Variants in TNPO3 observed in about 807,000 individuals in gnomAD.
TNPO3 encodes transportin 3.
A neutral mutation model predicts 122.8 loss-of-function variants in TNPO3; 65 were observed. That is an observed-to-expected ratio of 0.53 (90% CI 0.43 to 0.65). TNPO3 has a LOEUF of 0.65. TNPO3 is among the 30% of genes least tolerant of loss of function. The pLI is 0.00. For synonymous variants in TNPO3, 372 were observed against 411.2 expected (o/e 0.90, Z 1.15); for missense variants, 850 against 1,136.7 (o/e 0.75, Z 3.63).
At chr7:128,990,132 TG>T (rs747447666) in intron 10 of TNPO3, 32 bp from the exon 11 acceptor site, 1 of 1,614,014 alleles carries the variant, frequency 6.2e-7, no homozygotes. Flanking sequence ...TCACAGTTAC[TG>T]ATTTCAGAGG....
intron 10 of TNPO3, 22 bp from the exon 11 acceptor site, chr7:128,990,122 TCA>T (rs772816946): frequency 6.2e-7 from 1 of 1,614,136 alleles, no homozygotes; most frequent in South Asian, 1.1e-5. Flanking sequence ...CGGTAAGTAC[TCA>T]CAGTTACTGA....
At chr7:129,004,491 T>C (rs991265292) in intron 5 of TNPO3, among the ~76,000 whole-genome samples, 1 of 152,220 alleles carries the variant, frequency 6.6e-6, no homozygotes, top group Admixed American at 6.5e-5. Flanking sequence ...CACAAGTATA[T>C]AAAAAGACAT....
Position 128,962,147 on chromosome 7 carries a change from T to A in TNPO3, c.2712-4832A>T, listed in dbSNP as rs188462529. Among the ~76,000 whole-genome samples the A allele has an allele frequency of 5.5e-3, 832 of 151,714 alleles. 13 individuals carry two copies. The highest frequency in any genetic ancestry group is 0.019 in the African/African-American group (797 of 41,326). ...TTGGGAGGCCGAGGCGGATGGATCATGAGGTCAGGAGATCGAGACCATCCT... is the reference window on the plus strand; with the variant it reads ...TTGGGAGGCCGAGGCGGATGGATCAAGAGGTCAGGAGATCGAGACCATCCT... On this transcript the variant is annotated intron_variant, in intron 21 of 22. Coordinates refer to ENST00000265388, the MANE Select transcript of TNPO3 (RefSeq NM_012470.4).
chr7:129,015,893 C>T (rs900870833), intron 3 of TNPO3, among the ~76,000 whole-genome samples: 5 of 151,736 alleles, frequency 3.3e-5, no homozygotes, highest in African/African-American at 1.2e-4. Flanking sequence ...TGAAGGTTTC[C>T]ATACTGTTAG....
At chr7:129,011,623 T>C (rs1297873188) in intron 4 of TNPO3, among the ~76,000 whole-genome samples, 1 of 152,062 alleles carries the variant, frequency 6.6e-6, no homozygotes, top group Admixed American at 6.5e-5. Flanking sequence ...ATTACAGGCA[T>C]GAGCCACCAC....
At chr7:128,955,898 G>A (rs1054054145) in intron 22 of TNPO3, among the ~76,000 whole-genome samples, 2 of 152,174 alleles carry the variant, frequency 1.3e-5, no homozygotes, top group South Asian at 2.1e-4. Context: ...CTGGCTCCAC[G>A]AATAACTGTC....
intron 1 of TNPO3, chr7:129,028,970 C>CA (rs1805587366): frequency 4.5e-6 from 2 of 444,026 alleles, no homozygotes; most frequent in Non-Finnish European, 8.9e-6. Context: ...CATTCTGGAC[C>CA]AAAAAATTAA....
intron 4 of TNPO3, among the ~76,000 whole-genome samples, chr7:129,006,947 G>A (rs1161520888): frequency 6.6e-6 from 1 of 152,070 alleles, no homozygotes; most frequent in African/African-American, 2.4e-5. Flanking sequence ...TTCCTTCTCA[G>A]AAGACAGAAG....
At chr7:129,031,188 A>C (rs953855663) in intron 1 of TNPO3, among the ~76,000 whole-genome samples, 2 of 152,150 alleles carry the variant, frequency 1.3e-5, no homozygotes, top group African/African-American at 4.8e-5. Flanking sequence ...AGTCCCAGCT[A>C]CTTGGGAGGC....
In TNPO3 at chr7:129,017,868, C is replaced by A; in HGVS notation, c.321+89G>T. The stretch of plus-strand genomic sequence containing the variant: ...TACATCTGTAATGAAGTTAACATTA[C>A]CTCACATGGCCTAGCAATACGAATT... On this transcript the variant is annotated intron_variant, in intron 2 of 22. Coordinates refer to ENST00000265388, the MANE Select transcript of TNPO3 (RefSeq NM_012470.4). 4 of 1,320,864 alleles carry A rather than the reference C, an allele frequency of 3.0e-6. No individual in the cohort carries two copies. In the African/African-American group the frequency reaches 5.9e-5, roughly 19 times the overall value. 81.8% of individuals were successfully genotyped at this position (1,320,864 alleles called of 1,614,324 possible).
intron 18 of TNPO3, among the ~76,000 whole-genome samples, chr7:128,972,906 G>C (rs1057014049): frequency 6.6e-6 from 1 of 152,116 alleles, no homozygotes; most frequent in African/African-American, 2.4e-5. Context: ...ACTCTGGTGG[G>C]GGATGCTAAT....
At chr7:129,012,425 A>G (rs977752037) in intron 4 of TNPO3, among the ~76,000 whole-genome samples, 1 of 152,208 alleles carries the variant, frequency 6.6e-6, no homozygotes, top group Non-Finnish European at 1.5e-5. Flanking sequence ...ATAATTTACT[A>G]CAGGTTAAGT....
intron 1 of TNPO3, among the ~76,000 whole-genome samples, chr7:129,053,330 G>GAA (rs780588492): frequency 0.01 from 1,272 of 124,822 alleles, 16 homozygotes; most frequent in African/African-American, 0.036. Context: ...TCTGTCTCAA[G>GAA]AAAAAAAAAA....
intron 22 of TNPO3, among the ~76,000 whole-genome samples, chr7:128,956,636 C>A (rs1199822940): frequency 1.3e-5 from 2 of 152,150 alleles, no homozygotes; most frequent in African/African-American, 4.8e-5. Context: ...TGCAAATATT[C>A]CAAAATCCCA....
chr7:128,996,997 T>G (rs1801405699), intron 8 of TNPO3, among the ~76,000 whole-genome samples: 1 of 152,148 alleles, frequency 6.6e-6, no homozygotes, highest in Admixed American at 6.5e-5. Flanking sequence ...GGAAAAGAAT[T>G]ACTGGTTTAG....
At chr7:129,023,041 A>T (rs1804711940) in intron 1 of TNPO3, among the ~76,000 whole-genome samples, 1 of 152,166 alleles carries the variant, frequency 6.6e-6, no homozygotes, top group South Asian at 2.1e-4. Flanking sequence ...CACATGCAAA[A>T]CTATGCTTGT....
At chr7:128,982,384 C>T in intron 13 of TNPO3, 60 bp from the exon 14 acceptor site, 1 of 1,392,120 alleles carries the variant, frequency 7.2e-7, no homozygotes, top group Non-Finnish European at 1.0e-6. Flanking sequence ...ACAGCCAACA[C>T]TGCAACATAC....
chr7:129,020,887 T>G (rs1804412221), intron 1 of TNPO3, among the ~76,000 whole-genome samples: 1 of 151,918 alleles, frequency 6.6e-6, no homozygotes, highest in Non-Finnish European at 1.5e-5. Context: ...AAAATATAAG[T>G]GGAAGGAGAC....
chr7:128,990,516 A>G (rs1800637354), intron 10 of TNPO3, among the ~76,000 whole-genome samples: 1 of 152,242 alleles, frequency 6.6e-6, no homozygotes, highest in South Asian at 2.1e-4. Flanking sequence ...CTGAATGGCT[A>G]AACAGATGAA....
Sources: gnomAD v4.1 joint callset for allele counts (sites outside exome capture counted in the v4.1 genomes callset) on GRCh38, gnomAD v4.1.1 for gene constraint, MANE v1.5 for transcripts, NCBI Gene and HGNC (gene_info 2026-07-23, HGNC 2026-07-21) for gene names.